Variants in PTPRD observed in about 807,000 individuals in gnomAD.
PTPRD encodes the protein protein tyrosine phosphatase receptor type D.
In PTPRD, 34 loss-of-function variants were observed where a neutral mutation model predicts 214.5. That is an observed-to-expected ratio of 0.16 (90% confidence interval 0.12 to 0.21). The LOEUF is 0.21. Ranked by LOEUF, PTPRD falls within the 10% of genes least tolerant of loss-of-function variation. PTPRD has a pLI of 1.00. For missense variants in PTPRD, 2,545 were observed against 2,398.7 expected, an observed-to-expected ratio of 1.06 and a Z score of -1.27; for synonymous variants, 1,128 against 845.7, an observed-to-expected ratio of 1.33 and a Z score of -5.79.
intron 4 of PTPRD, among the ~76,000 whole-genome samples, chr9:9,942,881 C>T (rs552172373): frequency 1.4e-5 from 2 of 146,462 alleles, no homozygotes; most frequent in African/African-American, 5.2e-5. Flanking sequence ...GTCAGCAAAA[C>T]ATTGCTCTGA....
intron 12 of PTPRD, among the ~76,000 whole-genome samples, chr9:8,730,929 G>A (rs2098650536): frequency 8.9e-6 from 1 of 112,612 alleles, no homozygotes; most frequent in Non-Finnish European, 2.0e-5. Context: ...AAAATCATCT[G>A]GGCCATTCAA....
intron 10 of PTPRD, among the ~76,000 whole-genome samples, chr9:9,163,040 C>G (rs72696822): frequency 0.13 from 19,243 of 152,024 alleles, 2,112 homozygotes; most frequent in African/African-American, 0.29. Context: ...TTTTTTTCCT[C>G]TGAACACTCC....
At chr9:10,377,388 C>A (rs891327480) in intron 2 of PTPRD, among the ~76,000 whole-genome samples, 2 of 151,692 alleles carry the variant, frequency 1.3e-5, no homozygotes, top group African/African-American at 2.4e-5. Context: ...TGTGTTGCAC[C>A]CATTAACTCG....
At chr9:9,670,603 G>T (rs776458331) in intron 7 of PTPRD, among the ~76,000 whole-genome samples, 4 of 152,192 alleles carry the variant, frequency 2.6e-5, no homozygotes, top group Non-Finnish European at 4.4e-5. Context: ...GGTTCTGTGG[G>T]CCTGGCCCAG....
chr9:10,478,063 T>C (rs1242202314), intron 2 of PTPRD, among the ~76,000 whole-genome samples: 2 of 151,518 alleles, frequency 1.3e-5, no homozygotes, highest in African/African-American at 2.4e-5. Flanking sequence ...GGTTGATAGG[T>C]GCAGGAAACC....
intron 12 of PTPRD, among the ~76,000 whole-genome samples, chr9:8,718,097 G>A (rs1231609695): frequency 2.0e-5 from 3 of 152,176 alleles, no homozygotes; most frequent in Non-Finnish European, 2.9e-5. Flanking sequence ...AAGCTGTGAA[G>A]TAAGAAAGGG....
chr9:9,489,026 G>C (rs1049933676), intron 8 of PTPRD, among the ~76,000 whole-genome samples: 1 of 152,100 alleles, frequency 6.6e-6, no homozygotes, highest in Non-Finnish European at 1.5e-5. Context: ...CTCACTCTTG[G>C]CCTAAGTGAT....
At chr9:9,833,498 G>A (rs2055659977) in intron 5 of PTPRD, among the ~76,000 whole-genome samples, 1 of 151,862 alleles carries the variant, frequency 6.6e-6, no homozygotes, top group South Asian at 2.1e-4. Flanking sequence ...AATTGCTAAT[G>A]AAGTTTCGGG....
intron 12 of PTPRD, chr9:8,713,671 G>T: frequency 6.6e-7 from 1 of 1,511,160 alleles, no homozygotes; most frequent in Non-Finnish European, 9.1e-7. Flanking sequence ...CCGCGCCCGG[G>T]CCCACTCCAT....
intron 12 of PTPRD, among the ~76,000 whole-genome samples, chr9:8,686,321 T>G (rs1045463879): frequency 2.0e-4 from 30 of 152,208 alleles, no homozygotes; most frequent in African/African-American, 5.3e-4. Flanking sequence ...CACAGCTAAC[T>G]TGGAATCTGA....
chr9:8,617,564 T>C (rs988370822), intron 14 of PTPRD, among the ~76,000 whole-genome samples: 4 of 152,144 alleles, frequency 2.6e-5, no homozygotes, highest in African/African-American at 4.8e-5. Flanking sequence ...CCCTTCTCTG[T>C]AGCACCTCTT....
chr9:9,815,546 C>T (rs2048483912), intron 5 of PTPRD, among the ~76,000 whole-genome samples: 1 of 151,920 alleles, frequency 6.6e-6, no homozygotes, highest in Non-Finnish European at 1.5e-5. Flanking sequence ...TTCTACACAG[C>T]AAAGGAAACA....
chr9:9,526,324 T>A (rs2074110158), intron 8 of PTPRD, among the ~76,000 whole-genome samples: 1 of 152,196 alleles, frequency 6.6e-6, no homozygotes, highest in Admixed American at 6.5e-5. Context: ...GGCATGGACA[T>A]GATTTTCTCT....
chr9:9,872,390 A>G (rs2065705089), intron 5 of PTPRD, among the ~76,000 whole-genome samples: 1 of 151,964 alleles, frequency 6.6e-6, no homozygotes, highest in African/African-American at 2.4e-5. Flanking sequence ...GCTTGAGCAT[A>G]GGAGTTTGAG....
chr9:9,925,644 C>T (rs1321962462), intron 5 of PTPRD, among the ~76,000 whole-genome samples: 1 of 151,918 alleles, frequency 6.6e-6, no homozygotes, highest in Non-Finnish European at 1.5e-5. Context: ...AACTCTTCTA[C>T]CTTACCTACC....
chr9:8,504,513 CA>C, intron 22 of PTPRD, 108 bp from the exon 23 acceptor site: 1 of 1,233,026 alleles, frequency 8.1e-7, no homozygotes, highest in Non-Finnish European at 1.2e-6. Context: ...ATAATCTCAT[CA>C]AAATATCACC....
At chr9:8,441,637 C>T (rs1417752413) in intron 34 of PTPRD, among the ~76,000 whole-genome samples, 1 of 151,860 alleles carries the variant, frequency 6.6e-6, no homozygotes, top group African/African-American at 2.4e-5. Context: ...TGCTTGTATC[C>T]ACAAGGCAAT....
At chr9:9,990,247 C>T (rs1050579982) in intron 4 of PTPRD, among the ~76,000 whole-genome samples, 1 of 152,290 alleles carries the variant, frequency 6.6e-6, no homozygotes, top group South Asian at 2.1e-4. Context: ...TGGTATCTTT[C>T]CTTTCTTCTC....
At chr9:9,093,674 G>A (rs1312175476) in intron 10 of PTPRD, among the ~76,000 whole-genome samples, 1 of 151,360 alleles carries the variant, frequency 6.6e-6, no homozygotes, top group South Asian at 2.1e-4. Flanking sequence ...TTGGGCGGGG[G>A]GGCGGATGTA....
Sources: allele counts gnomAD v4.1 joint callset (sites outside exome capture counted in the v4.1 genomes callset), GRCh38; gene constraint gnomAD v4.1.1; transcripts MANE v1.5; gene names NCBI Gene and HGNC (gene_info 2026-07-23, HGNC 2026-07-21).